Variants in KCNAB3 observed in about 807,000 individuals in gnomAD.
The protein encoded by KCNAB3 is voltage-gated potassium channel subunit beta-3.
KCNAB3 carries 62 observed loss-of-function variants against 67.7 expected under a neutral mutation model. The observed-to-expected ratio is 0.92, with a 90% confidence interval of 0.75 to 1.13. KCNAB3 has a LOEUF of 1.13. KCNAB3 is among the 50% of genes most tolerant of loss of function. The pLI is 0.00. For missense variants in KCNAB3, 514 were observed against 522.9 expected (o/e 0.98, Z 0.17); for synonymous variants, 212 against 205.4 (o/e 1.03, Z -0.27).
Position 7,921,867 on chromosome 17 carries a change from ATAT to A in KCNAB3, c.*1232_*1234del, listed in dbSNP as rs1453295649. On this transcript the variant is annotated 3_prime_UTR_variant, in exon 14 of 14. Transcript: ENST00000303790. The stretch of plus-strand genomic sequence containing the variant: ...GAAGTACAAGGAACAAGTATGGCTA[ATAT>A]TACTTTAAATACAAACAAATAAAGG... 6.6e-6 allele frequency: 1 copy of A among 152,218 alleles called. No homozygotes were observed. Among genetic ancestry groups the A allele is most frequent in the Non-Finnish European group, 1.5e-5 (1 of 68,040 alleles). The allele number at this position is 152,218 out of a possible 1,614,324, so 9.4% of individuals were successfully genotyped here.
At position 7,925,302 on chromosome 17, in the gene KCNAB3, C is replaced by CG. The variant is rs1374041479; in HGVS notation, c.539-120dup. Reference sequence around the variant, plus strand: ...CAGCACTTTGGGAGGCCGAGGTGGGCGGATCACCTGAGGTCAGGAGTTTGA... The same window carrying CG: ...CAGCACTTTGGGAGGCCGAGGTGGGCGGGATCACCTGAGGTCAGGAGTTTGA... On this transcript the variant is annotated intron_variant, in intron 7 of 13. Coordinates refer to ENST00000303790, the MANE Select transcript of KCNAB3 (RefSeq NM_004732.4). 7.0e-5 allele frequency: 51 copies of CG among 727,964 alleles called. 1 individual carries two copies. Among genetic ancestry groups the CG allele is most frequent in the Non-Finnish European group, 1.2e-4 (51 of 420,138 alleles). The allele number at this position is 727,964 out of a possible 1,614,324, so 45.1% of individuals were successfully genotyped here.
At position 7,927,254 on chromosome 17, in the gene KCNAB3, C is replaced by A. The variant is rs1458812830; in HGVS notation, c.404+90G>T. 5 of 1,251,774 alleles carry A rather than the reference C, an allele frequency of 4.0e-6. No homozygotes were observed. In the African/African-American group the frequency reaches 5.9e-5, roughly 15 times the overall value. The allele number at this position is 1,251,774 out of a possible 1,614,324, so 77.5% of individuals were successfully genotyped here. The stretch of plus-strand genomic sequence containing the variant: ...TGGAACTTCACGTTCTCAGAAGTCC[C>A]AGGGTTCTTTAGAGGGAAAACGAGA... On this transcript the variant is annotated intron_variant, in intron 4 of 13. Coordinates refer to ENST00000303790, the MANE Select transcript of KCNAB3 (RefSeq NM_004732.4).
rs571921220 is a variant in KCNAB3, at chr17:7,922,954, A to C, written c.*148T>G. The stretch of plus-strand genomic sequence containing the variant: ...GGATATGGCTTTGTTCATGCGTATC[A>C]CTACTCGAAGCCGGGACTCGTTGGT... On this transcript the variant is annotated 3_prime_UTR_variant, in exon 14 of 14. Transcript: ENST00000303790. 3 of 713,456 alleles carry C rather than the reference A, an allele frequency of 4.2e-6. No individual in the cohort carries two copies. The South Asian group carries it at 4.8e-5, about 11-fold the overall frequency. The allele number at this position is 713,456 out of a possible 1,614,324, so 44.2% of individuals were successfully genotyped here.
chr17:7,927,147 G>T, intron 4 of KCNAB3, 197 bp downstream of exon 4: 1 of 643,618 alleles, frequency 1.6e-6, no homozygotes, highest in Non-Finnish European at 2.8e-6. Flanking sequence ...TGCACAGTAC[G>T]CCCATTGACT....
At position 7,929,800 on chromosome 17, in the gene KCNAB3, C is replaced by A; in HGVS notation, c.-365G>T. ...GGGCGGGAGAGAGATGCCACTTCAG[C>A]GCGAACCGCTGCGGGACCCGCTGGG... On this transcript the variant is annotated 5_prime_UTR_variant, in exon 1 of 14. Transcript: ENST00000303790. This position sits in a 1 kb window ranked among gnomAD's most constrained non-coding sequence, Gnocchi z 5.7. 1 of 1,059,786 alleles carries A rather than the reference C, an allele frequency of 9.4e-7. No homozygotes were observed. The highest frequency in any genetic ancestry group is 1.1e-6 in the Non-Finnish European group (1 of 876,196). 65.6% of individuals were successfully genotyped at this position (1,059,786 alleles called of 1,614,324 possible).
chr17:7,926,656 A>C (rs1485032635), intron 4 of KCNAB3, among the ~76,000 whole-genome samples: 3 of 152,022 alleles, frequency 2.0e-5, no homozygotes, highest in Non-Finnish European at 2.9e-5. Flanking sequence ...GAAATGTTTT[A>C]CCGTTGTTTA....
Position 7,926,064 on chromosome 17 carries a change from A to G in KCNAB3, c.444T>C (p.Gly148=). The change falls in exon 5 of 14, where the codon GGT becomes GGC. Residue 148 remains glycine (G), a synonymous_variant. Coordinates refer to ENST00000303790, the MANE Select transcript of KCNAB3 (RefSeq NM_004732.4). ...RTLGNILKSK[G]WRRSSYVITT... ...ACCCCCCAAAACAGTCTCACCTCCA[A>G]CCTTTGCTCTTGAGGATGTTCCCTA... 3 of 1,614,102 alleles carry G rather than the reference A, an allele frequency of 1.9e-6. No individual in the cohort carries two copies. Among genetic ancestry groups the G allele is most frequent in the Admixed American group, 3.3e-5 (2 of 60,010 alleles).
At chr17:7,925,366 A>G in intron 7 of KCNAB3, 183 bp from the exon 8 acceptor site, 1 of 580,584 alleles carries the variant, frequency 1.7e-6, no homozygotes, top group Non-Finnish European at 3.1e-6. Context: ...CATTTCTACT[A>G]AAAATACAAA....
Position 7,924,158 on chromosome 17 carries a change from G to A in KCNAB3, c.819C>T (p.Leu273=). ...REKVEMQLPE[L]YHKIGVGSVT... ...AGGGCTGCAAACCAATCTTGTGGTA[G>A]AGCTCTGGCAGCTGCATCTCCACCT... The change falls in exon 10 of 14, where the codon CTC becomes CTT. Residue 273 remains leucine (L), a synonymous_variant. Transcript: ENST00000303790. 6.2e-7 allele frequency: 1 copy of A among 1,614,204 alleles called. No individual in the cohort carries two copies. Among genetic ancestry groups the A allele is most frequent in the African/African-American group, 1.3e-5 (1 of 75,034 alleles).
Position 7,924,205 on chromosome 17 carries a change from G to C in KCNAB3, c.772C>G (p.His258Asp). Residue 258 changes from histidine to aspartate, a missense_variant, in exon 10 of 14, where the codon CAC (histidine) becomes GAC (aspartate). Transcript: ENST00000303790. ...ACCTTCTCCCTCTGAAACAGATGGTGCTCCGCTTGTTCACACACTGGAGGA... is the reference window on the plus strand; with the variant it reads ...ACCTTCTCCCTCTGAAACAGATGGTCCTCCGCTTGTTCACACACTGGAGGA... Reference protein sequence around the residue: ...LIPPVCEQAEHHLFQREKVEM... With the variant: ...LIPPVCEQAEDHLFQREKVEM... 6.2e-7 allele frequency: 1 copy of C among 1,614,218 alleles called. No homozygotes were observed. The highest frequency in any genetic ancestry group is 1.6e-4 in the Middle Eastern group (1 of 6,062).
intron 12 of KCNAB3, 44 bp downstream of exon 12, chr17:7,923,667 C>T: frequency 1.3e-6 from 2 of 1,552,168 alleles, no homozygotes; most frequent in South Asian, 2.4e-5. Context: ...GGCTTGGGAG[C>T]ATGTCAGGAG....
At chr17:7,924,087 G>A in intron 10 of KCNAB3, 25 bp from the exon 11 acceptor site, 1 of 1,614,196 alleles carries the variant, frequency 6.2e-7, no homozygotes, top group East Asian at 2.2e-5. Context: ...CTGGGTGTCA[G>A]GAAAAGGACC....
intron 4 of KCNAB3, among the ~76,000 whole-genome samples, chr17:7,926,430 A>G (rs1972234311): frequency 6.6e-6 from 1 of 152,184 alleles, no homozygotes. Context: ...GGCTTCAACT[A>G]TCTGGGTTGC....
chr17:7,923,426 A>G, intron 13 of KCNAB3, 30 bp downstream of exon 13: 1 of 1,590,670 alleles, frequency 6.3e-7, no homozygotes, highest in East Asian at 2.3e-5. Context: ...AGGGGGACAG[A>G]TAGGCTCTGC....
chr17:7,927,935 C>T, intron 1 of KCNAB3, 109 bp from the exon 2 acceptor site: 2 of 1,357,146 alleles, frequency 1.5e-6, no homozygotes, highest in South Asian at 2.3e-5. Context: ...GTGTCTCAGT[C>T]CAAAGAAATT....
chr17:7,927,931 C>G, intron 1 of KCNAB3, 105 bp from the exon 2 acceptor site: 1 of 1,394,854 alleles, frequency 7.2e-7, no homozygotes, highest in Non-Finnish European at 1.0e-6. Context: ...TCAGGTGTCT[C>G]AGTCCAAAGA....
chr17:7,924,594 G>T, intron 8 of KCNAB3, 94 bp from the exon 9 acceptor site: 1 of 1,492,540 alleles, frequency 6.7e-7, no homozygotes, highest in Non-Finnish European at 8.9e-7. Flanking sequence ...CAAGGCCCCA[G>T]GCAACTCTAT....
intron 1 of KCNAB3, 137 bp from the exon 2 acceptor site, chr17:7,927,963 A>G (rs1598038029): frequency 1.0e-6 from 1 of 955,820 alleles, no homozygotes; most frequent in African/African-American, 1.6e-5. Context: ...GTGGGCCTAT[A>G]AGATTGGGCA....
chr17:7,925,319 G>A, intron 7 of KCNAB3, 136 bp from the exon 8 acceptor site: 1 of 653,574 alleles, frequency 1.5e-6, no homozygotes, highest in Non-Finnish European at 2.7e-6. Flanking sequence ...CCTGAGGTCA[G>A]GAGTTTGAGA....
Sources: allele counts gnomAD v4.1 joint callset (sites outside exome capture counted in the v4.1 genomes callset), GRCh38; gene constraint gnomAD v4.1.1; non-coding constraint Gnocchi (gnomAD v3.1); transcripts MANE v1.5; gene names NCBI Gene and HGNC (gene_info 2026-07-23, HGNC 2026-07-21).